Variants in CTNNA3 observed in about 807,000 individuals in gnomAD.
CTNNA3 encodes the protein catenin alpha 3.
CTNNA3 carries 76 observed loss-of-function variants against 95.7 expected under a neutral mutation model. The ratio of observed to expected loss-of-function variants is 0.79; its 90% CI spans 0.66 to 0.96. The LOEUF (loss-of-function observed/expected upper bound fraction) is 0.96. CTNNA3 is among the 40% of genes least tolerant of loss of function. The probability of loss-of-function intolerance (pLI) is 0.00; values close to 1 mark genes in which losing one functional copy is unlikely to be tolerated. For missense variants in CTNNA3, 1,191 were observed against 1,089.8 expected, an observed-to-expected ratio of 1.09 and a Z score of -1.31; for synonymous variants, 431 against 374.4, an observed-to-expected ratio of 1.15 and a Z score of -1.74.
intron 9 of CTNNA3, among the ~76,000 whole-genome samples, chr10:66,739,151 C>T (rs72800793): frequency 0.078 from 11,866 of 152,140 alleles, 721 homozygotes; most frequent in East Asian, 0.23. Flanking sequence ...CATCTCCCAC[C>T]CATTCTAATC....
chr10:67,289,303 A>C (rs1337302248), intron 5 of CTNNA3, among the ~76,000 whole-genome samples: 1 of 152,174 alleles, frequency 6.6e-6, no homozygotes, highest in Non-Finnish European at 1.5e-5. Context: ...GAAAGAAAGC[A>C]CCAGTTGCAA....
In CTNNA3 at chr10:66,687,914, A is replaced by T. The variant is rs141931936; in HGVS notation, c.1282-66130T>A. ...GATATTGAGGTCAATTATACTATAG[A>T]GTTTGTAGGATAACTTACTTAATTG... On this transcript the variant is annotated intron_variant, in intron 9 of 17. Transcript: ENST00000433211. 9.9e-5 allele frequency among the ~76,000 whole-genome samples: 15 copies of T among 152,230 alleles called. No individual in the cohort carries two copies. In the East Asian group the frequency reaches 2.9e-3, roughly 29 times the overall value.
intron 7 of CTNNA3, among the ~76,000 whole-genome samples, chr10:66,853,733 G>A (rs576609546): frequency 4.0e-5 from 6 of 151,818 alleles, no homozygotes; most frequent in East Asian, 1.9e-4. Context: ...AAATTCTGCC[G>A]AACCACCAAG....
intron 5 of CTNNA3, among the ~76,000 whole-genome samples, chr10:67,234,825 C>T (rs191925708): frequency 6.7e-6 from 1 of 150,202 alleles, no homozygotes; most frequent in Non-Finnish European, 1.5e-5. Flanking sequence ...TCTCAGGATA[C>T]AAAATCAATG....
rs534801353 is a variant in CTNNA3 at position 66,567,221 on chromosome 10, AAGGTGCAATGACAG to A, written c.1375-46462_1375-46449del. Among the ~76,000 whole-genome samples the A allele has an allele frequency of 5.4e-4, 82 of 152,206 alleles. 1 individual carries two copies. The highest frequency in any genetic ancestry group is 2.0e-3 in the African/African-American group (82 of 41,548). On this transcript the variant is annotated intron_variant, in intron 10 of 17. Coordinates refer to ENST00000433211, the MANE Select transcript of CTNNA3 (RefSeq NM_013266.4). ...ATCATATGATTAGACTAATCAGTGG[AAGGTGCAATGACAG>A]AGGATGGCATGGGAGCCTATGAAGA...
At chr10:67,279,224 T>C (rs1179487185) in intron 5 of CTNNA3, among the ~76,000 whole-genome samples, 1 of 152,082 alleles carries the variant, frequency 6.6e-6, no homozygotes, top group African/African-American at 2.4e-5. Context: ...ACATAACAAT[T>C]AACCCATCAT....
chr10:67,083,157 C>T (rs1250589262), intron 7 of CTNNA3, among the ~76,000 whole-genome samples: 1 of 151,924 alleles, frequency 6.6e-6, no homozygotes, highest in Admixed American at 6.6e-5. Context: ...ATCCATAGGT[C>T]TACCTAATTT....
At chr10:67,337,028 G>A (rs751596048) in intron 5 of CTNNA3, among the ~76,000 whole-genome samples, 14 of 152,126 alleles carry the variant, frequency 9.2e-5, no homozygotes, top group Non-Finnish European at 1.8e-4. Context: ...GTAGCCCATG[G>A]ATCAAGGAGT....
intron 11 of CTNNA3, among the ~76,000 whole-genome samples, chr10:66,514,632 T>C (rs929579594): frequency 6.6e-6 from 1 of 152,152 alleles, no homozygotes; most frequent in African/African-American, 2.4e-5. Flanking sequence ...AAGTAATCTC[T>C]TCCACTACCT....
chr10:66,412,231 C>A (rs1219757168), intron 11 of CTNNA3, among the ~76,000 whole-genome samples: 3 of 151,794 alleles, frequency 2.0e-5, no homozygotes, highest in Non-Finnish European at 2.9e-5. Context: ...AAGTGGTGGT[C>A]AGAAAATAGC....
At chr10:66,541,477 T>C (rs1318186910) in intron 10 of CTNNA3, among the ~76,000 whole-genome samples, 2 of 152,140 alleles carry the variant, frequency 1.3e-5, no homozygotes, top group African/African-American at 4.8e-5. Context: ...GATTAAAATC[T>C]TTCTCAGTAT....
At position 65,918,416 on chromosome 10, in the gene CTNNA3, C is replaced by T. The variant is rs559870388; in HGVS notation, c.*1914G>A. On this transcript the variant is annotated 3_prime_UTR_variant, in exon 18 of 18. Transcript: ENST00000433211. The stretch of plus-strand genomic sequence containing the variant: ...CTCCCCACTAAATTATAAATTTATA[C>T]TTCTATCTGGAAGAAGGATATACCA... The T allele has an allele frequency of 6.6e-6, 1 of 152,260 alleles. No individual in the cohort carries two copies. Among genetic ancestry groups the T allele is most frequent in the South Asian group, 2.1e-4 (1 of 4,822 alleles). The allele number at this position is 152,260 out of a possible 1,614,324, so 9.4% of individuals were successfully genotyped here.
At chr10:66,129,601 G>T (rs992498228) in intron 13 of CTNNA3, among the ~76,000 whole-genome samples, 1 of 152,124 alleles carries the variant, frequency 6.6e-6, no homozygotes, top group South Asian at 2.1e-4. Context: ...GATTAGACCT[G>T]GGCAACCCTC....
chr10:67,474,315 G>T (rs1027114308), intron 5 of CTNNA3, among the ~76,000 whole-genome samples: 1 of 152,168 alleles, frequency 6.6e-6, no homozygotes, highest in Non-Finnish European at 1.5e-5. Flanking sequence ...GGCCATCAGG[G>T]TGGACCCTAA....
intron 13 of CTNNA3, among the ~76,000 whole-genome samples, chr10:66,110,630 T>A (rs2082087498): frequency 1.3e-5 from 2 of 152,220 alleles, no homozygotes. Context: ...TCTGCTGATC[T>A]TGTTTTTATC....
intron 15 of CTNNA3, among the ~76,000 whole-genome samples, chr10:66,066,860 A>G (rs2080323253): frequency 6.6e-6 from 1 of 152,196 alleles, no homozygotes; most frequent in Admixed American, 6.5e-5. Context: ...TATAAAATTT[A>G]GACTACTTTC....
chr10:67,507,124 G>C (rs1839450136), intron 5 of CTNNA3, among the ~76,000 whole-genome samples: 1 of 152,162 alleles, frequency 6.6e-6, no homozygotes, highest in African/African-American at 2.4e-5. Flanking sequence ...ACTATTATAT[G>C]GCAAGAAATT....
At chr10:65,934,085 A>G (rs978625634) in intron 17 of CTNNA3, among the ~76,000 whole-genome samples, 2 of 152,320 alleles carry the variant, frequency 1.3e-5, no homozygotes, top group Middle Eastern at 3.4e-3. Flanking sequence ...GAAATGTTAA[A>G]TAATCTAGGT....
chr10:66,082,311 A>G (rs1017468029), intron 14 of CTNNA3, among the ~76,000 whole-genome samples: 4 of 152,154 alleles, frequency 2.6e-5, no homozygotes, highest in African/African-American at 9.6e-5. Flanking sequence ...AGGACATGTT[A>G]GTTTTGTGAT....
Sources: allele counts gnomAD v4.1 joint callset (sites outside exome capture counted in the v4.1 genomes callset), GRCh38; gene constraint gnomAD v4.1.1; transcripts MANE v1.5; gene names NCBI Gene and HGNC (gene_info 2026-07-23, HGNC 2026-07-21).